GPC3: variants seen among roughly 807,000 people sequenced by gnomAD.
The protein encoded by GPC3 is glypican 3.
GPC3 carries 3 observed loss-of-function variants against 34.4 expected under a neutral mutation model. That is an observed-to-expected ratio of 0.09 (90% confidence interval 0.04 to 0.23). The LOEUF is 0.23. GPC3 is among the 10% of genes least tolerant of loss of function. The pLI is 1.00. For missense variants in GPC3, 351 were observed against 445.6 expected (o/e 0.79, Z 1.91); for synonymous variants, 177 against 174.0 (o/e 1.02, Z -0.13).
chrX:133,827,936 C>T (rs2075756528), intron 2 of GPC3, among the ~76,000 whole-genome samples: 1 of 77,729 alleles, frequency 1.3e-5, no homozygotes. Context: ...AAGAGCAAAA[C>T]TCCATCCCAA....
chrX:133,852,985 C>CAAA (rs33927142), intron 2 of GPC3, among the ~76,000 whole-genome samples: 670 of 41,702 alleles, frequency 0.016, 3 homozygotes, highest in Non-Finnish European at 0.024. Flanking sequence ...TTTTAAATTC[C>CAAA]AAAAAAAAAA....
At chrX:133,859,706 A>G (rs1463239380) in intron 2 of GPC3, among the ~76,000 whole-genome samples, 2 of 112,692 alleles carry the variant, frequency 1.8e-5, no homozygotes, top group Non-Finnish European at 3.7e-5. Flanking sequence ...GCAAAGCATC[A>G]TCAGTATCAT....
At chrX:133,930,315 G>A (rs1030487355) in intron 2 of GPC3, among the ~76,000 whole-genome samples, 2 of 111,990 alleles carry the variant, frequency 1.8e-5, no homozygotes, top group African/African-American at 6.5e-5. Flanking sequence ...CAGGGATGCT[G>A]CTAAACATTC....
intron 2 of GPC3, among the ~76,000 whole-genome samples, chrX:133,844,574 G>C (rs186760814): frequency 3.4e-3 from 375 of 111,585 alleles, no homozygotes; most frequent in Admixed American, 4.3e-3. Context: ...AGTTATTTGT[G>C]AAACCTTATT....
At chrX:133,864,029 C>A (rs192283055) in intron 2 of GPC3, among the ~76,000 whole-genome samples, 1 of 111,634 alleles carries the variant, frequency 9.0e-6, no homozygotes, top group Non-Finnish European at 1.9e-5. Flanking sequence ...CAGATGGTGT[C>A]TGGAAAAATA....
intron 6 of GPC3, among the ~76,000 whole-genome samples, chrX:133,608,550 C>T (rs756001803): frequency 2.7e-5 from 3 of 112,223 alleles, no homozygotes; most frequent in African/African-American, 6.5e-5. Context: ...TCCAAATAGA[C>T]ATCTTGTGGT....
chrX:133,770,987 G>A (rs148666544), intron 2 of GPC3, among the ~76,000 whole-genome samples: 3,082 of 111,274 alleles, frequency 0.028, 45 homozygotes, highest in Non-Finnish European at 0.045. Context: ...AACTCCATTC[G>A]GACAGATGGA....
At chrX:133,816,663 A>T (rs1239357177) in intron 2 of GPC3, among the ~76,000 whole-genome samples, 1 of 111,789 alleles carries the variant, frequency 8.9e-6, no homozygotes, top group African/African-American at 3.2e-5. Flanking sequence ...CTGGACAGGG[A>T]AAAGAGTAGG....
At chrX:133,747,041 C>A (rs968339459) in intron 3 of GPC3, among the ~76,000 whole-genome samples, 1 of 111,504 alleles carries the variant, frequency 9.0e-6, no homozygotes, top group Non-Finnish European at 1.9e-5. Context: ...TCCTGGCACA[C>A]AAAAATAAAT....
chrX:133,538,787 G>T (rs2069317340), intron 7 of GPC3, among the ~76,000 whole-genome samples: 1 of 102,882 alleles, frequency 9.7e-6, no homozygotes, highest in Non-Finnish European at 2.0e-5. Flanking sequence ...TCCCACATTG[G>T]CCTCCCAAGT....
At chrX:133,642,772 C>CAAAAAAAA (rs375514321) in intron 6 of GPC3, among the ~76,000 whole-genome samples, 13 of 25,372 alleles carry the variant, frequency 5.1e-4, no homozygotes, top group East Asian at 1.6e-3. Flanking sequence ...AACTACGTCT[C>CAAAAAAAA]AAAAAAAAAA....
At chrX:133,661,575 TCTCTCTCTCTCTC>T (rs1569408600) in intron 6 of GPC3, among the ~76,000 whole-genome samples, 142 bp downstream of exon 6, 4 of 6,789 alleles carry the variant, frequency 5.9e-4, no homozygotes, top group Non-Finnish European at 1.3e-3. Context: ...TCTTTCTCTC[TCTCTCTCTCTCTC>T]TCTCTCTCTC....
At chrX:133,952,828 C>T (rs1332477992) in intron 2 of GPC3, among the ~76,000 whole-genome samples, 1 of 112,434 alleles carries the variant, frequency 8.9e-6, no homozygotes, top group African/African-American at 3.2e-5. Flanking sequence ...AATAGAATGT[C>T]CTTGGACAAT....
At chrX:133,967,104 C>G (rs1341053597) in intron 1 of GPC3, among the ~76,000 whole-genome samples, 1 of 111,996 alleles carries the variant, frequency 8.9e-6, no homozygotes, top group Non-Finnish European at 1.9e-5. Context: ...TAAGCTGACA[C>G]TGGAAGCTAG....
At chrX:133,699,761 A>G in intron 4 of GPC3, 134 bp downstream of exon 4, 1 of 469,229 alleles carries the variant, frequency 2.1e-6, no homozygotes, top group Middle Eastern at 6.2e-4. Context: ...ACAGATGATA[A>G]AATTTAATTA....
At chrX:133,703,480 A>T (rs776607789) in intron 3 of GPC3, among the ~76,000 whole-genome samples, 2 of 103,383 alleles carry the variant, frequency 1.9e-5, no homozygotes, top group East Asian at 3.0e-4. Context: ...TTTTTTTTTA[A>T]GACAGAGTCT....
intron 7 of GPC3, among the ~76,000 whole-genome samples, chrX:133,559,185 G>A (rs960358077): frequency 1.8e-5 from 2 of 110,411 alleles, no homozygotes; most frequent in Non-Finnish European, 3.8e-5. Flanking sequence ...CCTCACAGGC[G>A]TGAGCCACCA....
intron 6 of GPC3, among the ~76,000 whole-genome samples, chrX:133,607,988 G>A (rs1190451310): frequency 8.9e-6 from 1 of 112,826 alleles, no homozygotes; most frequent in Non-Finnish European, 1.9e-5. Context: ...CTGCCTGTGT[G>A]TGTTAATTCT....
At chrX:133,864,116 T>C (rs2075955470) in intron 2 of GPC3, among the ~76,000 whole-genome samples, 1 of 111,318 alleles carries the variant, frequency 9.0e-6, no homozygotes, top group Admixed American at 9.6e-5. Context: ...CAGAGTATTT[T>C]CTGGAAAGGG....
Sources: allele counts gnomAD v4.1 joint callset (sites outside exome capture counted in the v4.1 genomes callset), GRCh38; gene constraint gnomAD v4.1.1; transcripts MANE v1.5; gene names NCBI Gene and HGNC (gene_info 2026-07-23, HGNC 2026-07-21).